The following MYO16 variants were observed in gnomAD, a reference collection of about 807,000 sequenced individuals.
MYO16 encodes the protein unconventional myosin-XVI.
Under a neutral mutation model 205.3 loss-of-function variants are expected in MYO16, and 94 were observed. That is an observed-to-expected ratio of 0.46 (90% CI 0.39 to 0.54). The LOEUF (loss-of-function observed/expected upper bound fraction) is 0.54. Among genes scored for constraint, MYO16 ranks in the 20% least tolerant of loss-of-function variants. The pLI is 0.00. For synonymous variants in MYO16, 988 were observed against 954.0 expected (o/e 1.04, Z -0.66); for missense variants, 2,315 against 2,387.5 (o/e 0.97, Z 0.63).
intron 21 of MYO16, among the ~76,000 whole-genome samples, chr13:108,997,338 A>AAGAAAGAGAGAGAGAGAGAGAGAGAG (rs1566452273): frequency 1.8e-4 from 1 of 5,538 alleles, no homozygotes; most frequent in African/African-American, 7.0e-4. Flanking sequence ...GAAAGAAAGA[A>AAGAAAGAGAGAGAGAGAGAGAGAGAG]AGAGAGAGAG....
chr13:108,857,869 AC>A (rs1451958708), intron 11 of MYO16, among the ~76,000 whole-genome samples: 1 of 152,094 alleles, frequency 6.6e-6, no homozygotes, highest in Admixed American at 6.5e-5. Flanking sequence ...TTTCTTGATC[AC>A]CTGAACTATT....
At chr13:108,655,848 C>T (rs1442657260) in intron 1 of MYO16, among the ~76,000 whole-genome samples, 1 of 152,050 alleles carries the variant, frequency 6.6e-6, no homozygotes, top group Non-Finnish European at 1.5e-5. Flanking sequence ...GTTCTGTAAC[C>T]CCTTTGTTTT....
chr13:109,194,926 TAA>T (rs1430286432), intron 34 of MYO16, among the ~76,000 whole-genome samples: 1 of 152,138 alleles, frequency 6.6e-6, no homozygotes, highest in Non-Finnish European at 1.5e-5. Flanking sequence ...GTAAAATTTT[TAA>T]GTTTCTATTT....
chr13:109,180,574 AATGATCAGCTT>A (rs1231290517), intron 34 of MYO16, among the ~76,000 whole-genome samples: 1 of 152,242 alleles, frequency 6.6e-6, no homozygotes, highest in Non-Finnish European at 1.5e-5. Context: ...CTATACAGCT[AATGATCAGCTT>A]TCCTTGGAAT....
At chr13:108,681,281 G>T (rs144839958) in intron 2 of MYO16, among the ~76,000 whole-genome samples, 2 of 152,052 alleles carry the variant, frequency 1.3e-5, no homozygotes, top group Non-Finnish European at 2.9e-5. Context: ...GGTCTTTCAC[G>T]TCTCCCTTCC....
the MYO16 span, among the ~76,000 whole-genome samples, chr13:108,576,312 A>C: frequency 5.3e-5 from 8 of 152,166 alleles, no homozygotes; most frequent in African/African-American, 1.7e-4. Context: ...GGCTCTGTAC[A>C]TCCCTGGAGG....
chr13:108,924,639 T>G (rs1364510058), intron 16 of MYO16, among the ~76,000 whole-genome samples: 1 of 152,180 alleles, frequency 6.6e-6, no homozygotes, highest in Admixed American at 6.5e-5. Context: ...CTGTGTTGTT[T>G]TTCATTACTT....
chr13:108,684,289 G>A (rs1014080942), intron 2 of MYO16, among the ~76,000 whole-genome samples: 3 of 152,192 alleles, frequency 2.0e-5, no homozygotes, highest in African/African-American at 7.2e-5. Context: ...CATGAAAGGT[G>A]TGTTTTGGCT....
the MYO16 span, among the ~76,000 whole-genome samples, chr13:108,587,015 C>T: frequency 1.3e-5 from 2 of 152,198 alleles, no homozygotes; most frequent in African/African-American, 4.8e-5. Flanking sequence ...ATCACTGAGA[C>T]AGCAAGTGTT....
chr13:108,609,793 A>G (rs1231168004), intron 1 of MYO16, among the ~76,000 whole-genome samples: 3 of 152,186 alleles, frequency 2.0e-5, no homozygotes, highest in Non-Finnish European at 2.9e-5. Flanking sequence ...CATTTGTAGA[A>G]TAATGTTAAG....
At chr13:108,741,578 C>A (rs945492729) in intron 4 of MYO16, among the ~76,000 whole-genome samples, 1 of 152,034 alleles carries the variant, frequency 6.6e-6, no homozygotes, top group Non-Finnish European at 1.5e-5. Context: ...GAATGTGAAC[C>A]CTGGTTGAAT....
chr13:108,937,487 TC>T (rs1358837318), intron 16 of MYO16, among the ~76,000 whole-genome samples: 4 of 152,218 alleles, frequency 2.6e-5, no homozygotes, highest in African/African-American at 9.6e-5. Flanking sequence ...TATATTCTTT[TC>T]TTTCAGAAAT....
chr13:109,112,635 A>T (rs1369954702), intron 28 of MYO16, among the ~76,000 whole-genome samples: 1 of 151,914 alleles, frequency 6.6e-6, no homozygotes, highest in Non-Finnish European at 1.5e-5. Flanking sequence ...CATGCCTGTA[A>T]TCCCAGCTAC....
chr13:108,627,689 G>A (rs1879797496), upstream of MYO16, among the ~76,000 whole-genome samples: 1 of 152,066 alleles, frequency 6.6e-6, no homozygotes. Context: ...GAAAAAAGTA[G>A]GGCTCAAATC....
chr13:108,672,870 T>G (rs1882048562), intron 2 of MYO16, among the ~76,000 whole-genome samples: 1 of 152,180 alleles, frequency 6.6e-6, no homozygotes, highest in South Asian at 2.1e-4. Context: ...CTATTGGAAT[T>G]GCCACTCCCA....
chr13:108,717,544 G>A (rs1308888703), intron 3 of MYO16, among the ~76,000 whole-genome samples: 1 of 147,480 alleles, frequency 6.8e-6, no homozygotes, highest in African/African-American at 2.5e-5. Flanking sequence ...GAAGGAGAAT[G>A]TTGTGAACCT....
At chr13:108,911,660 T>A (rs1035051845) in intron 16 of MYO16, among the ~76,000 whole-genome samples, 1 of 152,208 alleles carries the variant, frequency 6.6e-6, no homozygotes, top group Non-Finnish European at 1.5e-5. Flanking sequence ...GTTTTGAGTA[T>A]GCAAGAGAAT....
At chr13:108,856,426 A>G (rs76255155) in intron 11 of MYO16, among the ~76,000 whole-genome samples, 468 of 152,350 alleles carry the variant, frequency 3.1e-3, no homozygotes, top group Non-Finnish European at 4.8e-3. Context: ...TAATTAGCCT[A>G]TGAAAATGCA....
intron 28 of MYO16, among the ~76,000 whole-genome samples, chr13:109,114,399 G>T (rs1336162397): frequency 6.6e-6 from 1 of 152,148 alleles, no homozygotes; most frequent in African/African-American, 2.4e-5. Flanking sequence ...CTTTTAGTCT[G>T]GAGCCTAGAG....
Sources: allele counts gnomAD v4.1 joint callset (sites outside exome capture counted in the v4.1 genomes callset), GRCh38; gene constraint gnomAD v4.1.1; transcripts MANE v1.5; gene names NCBI Gene and HGNC (gene_info 2026-07-23, HGNC 2026-07-21).